HMBOX1: variants seen among roughly 807,000 people sequenced by gnomAD.
The protein encoded by HMBOX1 is homeobox-containing protein 1.
A neutral mutation model predicts 54.5 loss-of-function variants in HMBOX1; 14 were observed. The observed-to-expected ratio is 0.26, with a 90% confidence interval of 0.17 to 0.40. HMBOX1 has a LOEUF of 0.40. Ranked by LOEUF, HMBOX1 falls within the 10% of genes least tolerant of loss-of-function variation. The pLI is 1.00. For synonymous variants in HMBOX1, 160 were observed against 181.0 expected, an observed-to-expected ratio of 0.88 and a Z score of 0.93; for missense variants, 332 against 514.4, an observed-to-expected ratio of 0.65 and a Z score of 3.43.
intron 1 of HMBOX1, chr8:28,924,622 C>T (rs1477870792): frequency 6.6e-6 from 1 of 151,406 alleles, no homozygotes; most frequent in African/African-American, 2.4e-5. Context: ...ATATGGTATT[C>T]TTTTCTTTTT....
At chr8:28,958,975 C>T (rs1824980534) in intron 1 of HMBOX1, among the ~76,000 whole-genome samples, 1 of 152,064 alleles carries the variant, frequency 6.6e-6, no homozygotes, top group Admixed American at 6.5e-5. Flanking sequence ...ATACAATGGA[C>T]CCCCCTTATC....
chr8:29,001,711 T>G (rs1832700412), intron 4 of HMBOX1, among the ~76,000 whole-genome samples: 1 of 152,216 alleles, frequency 6.6e-6, no homozygotes, highest in Admixed American at 6.5e-5. Flanking sequence ...GTCTGTATAT[T>G]TATCAAAACT....
chr8:29,033,792 C>T (rs1428978747), intron 6 of HMBOX1, among the ~76,000 whole-genome samples: 2 of 152,158 alleles, frequency 1.3e-5, no homozygotes, highest in East Asian at 3.8e-4. Flanking sequence ...AAATGAAGCA[C>T]AGTTAGGTAA....
At chr8:28,976,705 T>G (rs1013284375) in intron 3 of HMBOX1, among the ~76,000 whole-genome samples, 1 of 151,252 alleles carries the variant, frequency 6.6e-6, no homozygotes, top group African/African-American at 2.4e-5. Flanking sequence ...CTTTTCTTTT[T>G]TTTCTTTTTT....
intron 4 of HMBOX1, among the ~76,000 whole-genome samples, chr8:28,980,520 A>G (rs533721937): frequency 6.6e-6 from 1 of 152,280 alleles, no homozygotes; most frequent in South Asian, 2.1e-4. Flanking sequence ...ATAATCCCTG[A>G]TTATACCAGT....
At chr8:28,963,562 A>T (rs1825957025) in intron 1 of HMBOX1, among the ~76,000 whole-genome samples, 1 of 152,186 alleles carries the variant, frequency 6.6e-6, no homozygotes, top group South Asian at 2.1e-4. Context: ...ACCAGCTAAT[A>T]AGTTGTCTTC....
chr8:28,954,079 T>G (rs1468483689), intron 1 of HMBOX1, among the ~76,000 whole-genome samples: 1 of 152,170 alleles, frequency 6.6e-6, no homozygotes, highest in Admixed American at 6.5e-5. Flanking sequence ...TTTATTTTTA[T>G]ATTTATGTAT....
Position 28,970,419 on chromosome 8 carries a change from C to A in HMBOX1, c.400C>A (p.Pro134Thr). 1 of 1,614,126 alleles carries A rather than the reference C, an allele frequency of 6.2e-7. No individual in the cohort carries two copies. Among genetic ancestry groups the A allele is most frequent in the Non-Finnish European group, 8.5e-7 (1 of 1,180,006 alleles). The change falls in exon 3 of 10, where the codon CCA (proline) becomes ACA (threonine). Residue 134 changes from proline (P) to threonine (T), a missense_variant. Around this residue, in one of 4 missense-constraint regions of HMBOX1, gnomAD observed 146 missense variants for 173.3 expected, o/e 0.84. Transcript: ENST00000287701. This position sits in a 1 kb window ranked among gnomAD's most constrained non-coding sequence, Gnocchi z 4.3. Reference sequence around the variant, plus strand: ...ATCTACATCCAATGGAAAGATGTCACCAACTCGCTACCATGCAAACAGCAT... The same window carrying A: ...ATCTACATCCAATGGAAAGATGTCAACAACTCGCTACCATGCAAACAGCAT... Reference protein sequence around the residue: ...RLSTSNGKMSPTRYHANSMGQ... With the variant: ...RLSTSNGKMSTTRYHANSMGQ...
chr8:29,050,165 C>T (rs1806228997), intron 9 of HMBOX1: 15 of 871,976 alleles, frequency 1.7e-5, no homozygotes, highest in Non-Finnish European at 1.8e-5. Context: ...GCCCTAAGGG[C>T]AGCACATTCC....
Position 28,895,688 on chromosome 8 carries a change from T to A in HMBOX1, c.-58+5010T>A, listed in dbSNP as rs111583376. Among the ~76,000 whole-genome samples the A allele has an allele frequency of 6.9e-3, 1,027 of 148,290 alleles. 15 individuals are homozygous for A. Among genetic ancestry groups the A allele is most frequent in the East Asian group, 0.056 (288 of 5,142 alleles). On this transcript the variant is annotated intron_variant, in intron 1 of 9. Transcript: ENST00000287701. ...AGACTCAGTCTCAAAAAAAAAAAAA[T>A]TTTGATAATGTATTGTATTGTTAAA...
intron 2 of HMBOX1, among the ~76,000 whole-genome samples, chr8:28,966,424 T>C (rs570316608): frequency 6.6e-6 from 1 of 152,314 alleles, no homozygotes; most frequent in Admixed American, 6.5e-5. Context: ...AGATTAGTAA[T>C]TTAAAGTGAA....
chr8:29,050,304 A>T, intron 9 of HMBOX1: 1 of 749,870 alleles, frequency 1.3e-6, no homozygotes. Context: ...CCTGACGTAC[A>T]TCCTGCAATG....
At chr8:28,949,341 G>A (rs182512150) in intron 1 of HMBOX1, among the ~76,000 whole-genome samples, 1 of 152,148 alleles carries the variant, frequency 6.6e-6, no homozygotes, top group Non-Finnish European at 1.5e-5. Flanking sequence ...ACAGAGTTTG[G>A]CCTGCAAGGC....
chr8:29,018,596 T>C lies in HMBOX1; in HGVS notation c.698-164T>C, dbSNP rs189945148. On this transcript the variant is annotated intron_variant, in intron 5 of 9. Transcript: ENST00000287701. ...TGAGGTATATTGTTCAAAAAGAGTATAACTATCAAGCAGGAATTTCAAAAG... is the reference window on the plus strand; with the variant it reads ...TGAGGTATATTGTTCAAAAAGAGTACAACTATCAAGCAGGAATTTCAAAAG... 1.9e-3 allele frequency among the ~76,000 whole-genome samples: 282 copies of C among 152,300 alleles called. 1 individual carries two copies. The highest frequency in any genetic ancestry group is 6.5e-3 in the African/African-American group (271 of 41,584).
At chr8:28,919,146 T>A (rs981447963) in intron 1 of HMBOX1, among the ~76,000 whole-genome samples, 1 of 152,196 alleles carries the variant, frequency 6.6e-6, no homozygotes. Flanking sequence ...AACTGTACAC[T>A]ATGTTTTTGA....
intron 1 of HMBOX1, among the ~76,000 whole-genome samples, chr8:28,897,138 A>G (rs1812294054): frequency 6.6e-6 from 1 of 151,978 alleles, no homozygotes; most frequent in Non-Finnish European, 1.5e-5. Flanking sequence ...GGCATGCGCC[A>G]CCATGCCCGG....
At chr8:29,050,942 T>G (rs1368273521) in intron 9 of HMBOX1, 76 bp from the exon 10 acceptor site, 1 of 1,479,172 alleles carries the variant, frequency 6.8e-7, no homozygotes, top group Admixed American at 2.0e-5. Context: ...CTGCCTCCCC[T>G]TGCCCCAGCA....
At chr8:29,013,869 T>C (rs915086494) in intron 5 of HMBOX1, among the ~76,000 whole-genome samples, 1 of 152,210 alleles carries the variant, frequency 6.6e-6, no homozygotes, top group African/African-American at 2.4e-5. Flanking sequence ...CCTCTTGGCA[T>C]GTGGTGCATA....
At chr8:29,003,786 G>A (rs917135540) in intron 4 of HMBOX1, among the ~76,000 whole-genome samples, 4 of 151,710 alleles carry the variant, frequency 2.6e-5, no homozygotes, top group African/African-American at 4.8e-5. Context: ...TTGCACTGTG[G>A]AAGGCGAATT....
Sources: allele counts gnomAD v4.1 joint callset (sites outside exome capture counted in the v4.1 genomes callset), GRCh38; gene constraint gnomAD v4.1.1; regional missense constraint gnomAD v4.1.1; non-coding constraint Gnocchi (gnomAD v3.1); transcripts MANE v1.5; gene names NCBI Gene and HGNC (gene_info 2026-07-23, HGNC 2026-07-21).